Variants in CNTNAP2 observed in about 807,000 individuals in gnomAD.
CNTNAP2 encodes contactin-associated protein-like 2.
A neutral mutation model predicts 155.2 loss-of-function variants in CNTNAP2; 98 were observed. The observed-to-expected ratio is 0.63, with a 90% CI of 0.54 to 0.75. The LOEUF is 0.75. Among genes scored for constraint, CNTNAP2 ranks in the 30% least tolerant of loss-of-function variants. The probability of loss-of-function intolerance (pLI) is 0.00; values close to 1 mark genes in which losing one functional copy is unlikely to be tolerated. For synonymous variants in CNTNAP2, 651 were observed against 631.2 expected, an observed-to-expected ratio of 1.03 and a Z score of -0.47; for missense variants, 1,727 against 1,688.1, an observed-to-expected ratio of 1.02 and a Z score of -0.40.
chr7:147,098,523 C>T (rs941653940), intron 4 of CNTNAP2, among the ~76,000 whole-genome samples: 6 of 152,176 alleles, frequency 3.9e-5, no homozygotes, highest in Non-Finnish European at 1.5e-5. Context: ...GAAGATACTT[C>T]AGAGTCCAGA....
intron 1 of CNTNAP2, among the ~76,000 whole-genome samples, chr7:146,536,693 T>C (rs977607920): frequency 6.6e-6 from 1 of 151,924 alleles, no homozygotes; most frequent in Non-Finnish European, 1.5e-5. Context: ...TTGTATCACT[T>C]GTTTATTGCT....
chr7:148,395,088 T>C (rs1358053422), intron 22 of CNTNAP2, among the ~76,000 whole-genome samples: 2 of 152,020 alleles, frequency 1.3e-5, no homozygotes, highest in Admixed American at 1.3e-4. Context: ...CATTCCCTTT[T>C]TCGTGTTTTT....
At chr7:148,231,008 T>A (rs1476574348) in intron 20 of CNTNAP2, among the ~76,000 whole-genome samples, 1 of 152,188 alleles carries the variant, frequency 6.6e-6, no homozygotes, top group African/African-American at 2.4e-5. Flanking sequence ...ATTAGAGACT[T>A]TTTCCATTTT....
intron 9 of CNTNAP2, among the ~76,000 whole-genome samples, chr7:147,308,597 C>G (rs1429581227): frequency 6.6e-6 from 1 of 152,196 alleles, no homozygotes; most frequent in African/African-American, 2.4e-5. Flanking sequence ...CACTGTTTTA[C>G]ACTTTCTCCT....
intron 3 of CNTNAP2, among the ~76,000 whole-genome samples, chr7:146,900,762 C>T (rs993255825): frequency 1.3e-5 from 2 of 152,094 alleles, no homozygotes; most frequent in Admixed American, 6.5e-5. Flanking sequence ...TATTGCTATC[C>T]GAGCGCAGAA....
intron 15 of CNTNAP2, among the ~76,000 whole-genome samples, chr7:148,055,722 A>G (rs951160115): frequency 2.0e-4 from 30 of 152,300 alleles, no homozygotes; most frequent in African/African-American, 7.2e-4. Context: ...CTGCATGCCA[A>G]GTTAACACAT....
chr7:147,956,712 A>C (rs1211139593), intron 14 of CNTNAP2, among the ~76,000 whole-genome samples: 1 of 152,198 alleles, frequency 6.6e-6, no homozygotes. Context: ...GAAAAGCTGA[A>C]TATACAGACC....
chr7:146,280,571 G>T (rs568247671), intron 1 of CNTNAP2, among the ~76,000 whole-genome samples: 1 of 152,128 alleles, frequency 6.6e-6, no homozygotes, highest in South Asian at 2.1e-4. Context: ...TCATTGGAGA[G>T]TCTGAGCCTC....
rs368108883 is a variant in CNTNAP2, at chr7:148,217,388, C to T, written c.3111C>T (p.Pro1037=). 1.1e-4 allele frequency: 173 copies of T among 1,614,024 alleles called. No homozygotes were observed. The highest frequency in any genetic ancestry group is 1.3e-4 in the Non-Finnish European group (153 of 1,180,028). ...CCAGCAGCAGAGTAGACAACGCTCC[C>T]GACCAGCAGAACTCCCACCCGGACC... The part of the protein sequence containing the change: ...RDSSSRVDNA[P]DQQNSHPDLA... Residue 1037 remains proline, a synonymous_variant, in exon 19 of 24, where the codon CCC becomes CCT. Coordinates refer to ENST00000361727, the MANE Select transcript of CNTNAP2 (RefSeq NM_014141.6).
At chr7:147,028,202 A>T (rs1390516721) in intron 3 of CNTNAP2, among the ~76,000 whole-genome samples, 1 of 152,236 alleles carries the variant, frequency 6.6e-6, no homozygotes, top group Admixed American at 6.5e-5. Context: ...GTTAAAACTA[A>T]TAAAGAAGGC....
chr7:146,806,534 A>G (rs1424446233), intron 2 of CNTNAP2, among the ~76,000 whole-genome samples: 1 of 151,966 alleles, frequency 6.6e-6, no homozygotes, highest in Non-Finnish European at 1.5e-5. Context: ...GTACCATCCT[A>G]TCTTGATGAA....
chr7:147,738,650 C>CTTTTTTTTTTTTTTTTTTTTT (rs111611444), intron 13 of CNTNAP2, among the ~76,000 whole-genome samples: 2 of 57,544 alleles, frequency 3.5e-5, no homozygotes. Flanking sequence ...GTAAACATAA[C>CTTTTTTTTTTTTTTTTTTTTT]TTTTTTTTTT....
intron 1 of CNTNAP2, among the ~76,000 whole-genome samples, chr7:146,511,044 C>T (rs1282642308): frequency 6.6e-6 from 1 of 151,916 alleles, no homozygotes; most frequent in Non-Finnish European, 1.5e-5. Context: ...CCACAGGTGC[C>T]CATCACCATG....
At chr7:148,311,664 A>C (rs1797597761) in intron 21 of CNTNAP2, among the ~76,000 whole-genome samples, 1 of 152,148 alleles carries the variant, frequency 6.6e-6, no homozygotes, top group Admixed American at 6.5e-5. Context: ...AGATGGAAGA[A>C]GTTACTTCCT....
intron 13 of CNTNAP2, chr7:147,850,102 C>G (rs1798902173): frequency 6.6e-6 from 1 of 152,130 alleles, no homozygotes; most frequent in South Asian, 2.1e-4. Flanking sequence ...TTAACCTTTA[C>G]TTGAGCAAAA....
intron 12 of CNTNAP2, among the ~76,000 whole-genome samples, chr7:147,629,484 CAGAT>C (rs1489800797): frequency 6.6e-6 from 1 of 151,014 alleles, no homozygotes; most frequent in Non-Finnish European, 1.5e-5. Context: ...ATGGATTTAA[CAGAT>C]AGTTACAGAA....
At chr7:147,602,176 A>G (rs1430835598) in intron 12 of CNTNAP2, among the ~76,000 whole-genome samples, 5 of 151,586 alleles carry the variant, frequency 3.3e-5, no homozygotes, top group African/African-American at 1.2e-4. Context: ...TGGGGTATTT[A>G]TCCCTTAAAA....
chr7:147,894,293 A>G (rs1799740796), intron 13 of CNTNAP2: 2 of 152,180 alleles, frequency 1.3e-5, no homozygotes, highest in Admixed American at 6.5e-5. Context: ...AAATTTACTT[A>G]TAAAGTGGAG....
intron 10 of CNTNAP2, among the ~76,000 whole-genome samples, chr7:147,451,908 C>T (rs1797840866): frequency 6.6e-6 from 1 of 152,204 alleles, no homozygotes; most frequent in Non-Finnish European, 1.5e-5. Flanking sequence ...AGTTTGGTGA[C>T]CTCTTGCCGT....
Sources: gnomAD v4.1 joint callset for allele counts (sites outside exome capture counted in the v4.1 genomes callset) on GRCh38, gnomAD v4.1.1 for gene constraint, MANE v1.5 for transcripts, NCBI Gene and HGNC (gene_info 2026-07-23, HGNC 2026-07-21) for gene names.